RYR1: variants seen among roughly 807,000 people sequenced by gnomAD.
The protein encoded by RYR1 is central core disease of muscle.
A neutral mutation model predicts 583.5 loss-of-function variants in RYR1; 342 were observed. That is an observed-to-expected ratio of 0.59 (90% CI 0.54 to 0.64). The LOEUF (loss-of-function observed/expected upper bound fraction) is 0.64. RYR1 is among the 30% of genes least tolerant of loss of function. RYR1 has a pLI of 0.00. For synonymous variants in RYR1, 2,791 were observed against 2,822.5 expected, an observed-to-expected ratio of 0.99 and a Z score of 0.35; for missense variants, 6,032 against 6,917.2, an observed-to-expected ratio of 0.87 and a Z score of 4.54.
rs776163386 is a variant in RYR1 at position 38,500,980 on chromosome 19, C to T, written c.7604C>T (p.Ser2535Leu). The change falls in exon 47 of 106, where the codon TCG becomes TTG. Residue 2535 changes from serine to leucine, a missense_variant. Ser to Leu is a moderately radical substitution (Grantham distance 145). Coordinates refer to ENST00000359596, the MANE Select transcript of RYR1 (RefSeq NM_000540.3). The surrounding 1 kb of genome is among the most constrained non-coding windows in gnomAD (Gnocchi z 5.9). ...CTGCCCGACATGAGGGCAGCCGCCT[C>T]GCTGGACACGGTGAGCAACCCTGCC... The part of the protein sequence containing the change: ...GFLPDMRAAA[S>L]LDTATFSTTE... The T allele has an allele frequency of 1.1e-5, 18 of 1,613,222 alleles. No individual in the cohort carries two copies. The highest frequency in any genetic ancestry group is 2.2e-5 in the East Asian group (1 of 44,892).
rs1966895326 is a variant in RYR1 at position 38,448,335 on chromosome 19, T to A, written c.801-20T>A. On this transcript the variant is annotated intron_variant, in intron 9 of 105. Transcript: ENST00000359596. ...GAACTGGGGGGTCCTCTGACTCCCC[T>A]TGGCTCTCACCCTCCACAGCTGGAG... The A allele has an allele frequency of 6.2e-7, 1 of 1,604,042 alleles. No individual in the cohort carries two copies. The highest frequency in any genetic ancestry group is 2.2e-5 in the East Asian group (1 of 44,842).
At chr19:38,558,364 C>T (rs1446284420) in intron 89 of RYR1, among the ~76,000 whole-genome samples, 1 of 152,104 alleles carries the variant, frequency 6.6e-6, no homozygotes, top group African/African-American at 2.4e-5. Context: ...GACTGTAACA[C>T]AAAGAAAGGA....
chr19:38,532,828 G>A (rs932001812), intron 78 of RYR1, 92 bp downstream of exon 78: 1 of 1,354,728 alleles, frequency 7.4e-7, no homozygotes, highest in African/African-American at 1.4e-5. Flanking sequence ...ACAGAGCAAA[G>A]CTCTGGGGAC....
chr19:38,477,882 G>C lies in RYR1; in HGVS notation c.4454+12G>C, dbSNP rs1417363157. 1.2e-6 allele frequency: 2 copies of C among 1,605,600 alleles called. No individual in the cohort carries two copies. The highest frequency in any genetic ancestry group is 2.2e-5 in the South Asian group (2 of 90,762). On this transcript the variant is annotated intron_variant, in intron 30 of 105. Transcript: ENST00000359596. ...AACGTCCACAGCAGGTGCCGGGGCT[G>C]GGGGGAGGTGGGAGGTGCAGGGTGG...
chr19:38,534,794 G>A lies in RYR1; in HGVS notation c.11334G>A (p.Val3778=), dbSNP rs750080558. Residue 3778 remains valine (V), a synonymous_variant, in exon 79 of 106, where the codon GTG becomes GTA. Coordinates refer to ENST00000359596, the MANE Select transcript of RYR1 (RefSeq NM_000540.3). ...ACACCCGGGGGGCGGCCGAGATGGT[G>A]CTGCAGATGATCAGTGCCTGCAAAG... ...RLHTRGAAEM[V]LQMISACKGE... 13 of 1,613,342 alleles carry A rather than the reference G, an allele frequency of 8.1e-6. No homozygotes were observed. The South Asian group carries it at 1.2e-4, about 15-fold the overall frequency.
At chr19:38,544,283 CA>C (rs1972332900) in intron 87 of RYR1, among the ~76,000 whole-genome samples, 2 of 152,190 alleles carry the variant, frequency 1.3e-5, no homozygotes, top group Non-Finnish European at 2.9e-5. Context: ...TTACTTGCGG[CA>C]GATGACACCC....
chr19:38,509,538 C>T (rs1460544945), intron 58 of RYR1, among the ~76,000 whole-genome samples: 13 of 151,030 alleles, frequency 8.6e-5, no homozygotes, highest in Admixed American at 2.0e-4. Context: ...CTGCAGGCTC[C>T]GCCTCCAGAT....
intron 1 of RYR1, among the ~76,000 whole-genome samples, chr19:38,434,622 G>T (rs1433914307): frequency 6.6e-6 from 1 of 152,146 alleles, no homozygotes; most frequent in African/African-American, 2.4e-5. Flanking sequence ...GCAGGGATGG[G>T]AATTGGAACA....
chr19:38,541,038 T>G (rs937880841), intron 84 of RYR1, among the ~76,000 whole-genome samples: 8 of 152,240 alleles, frequency 5.3e-5, no homozygotes, highest in Non-Finnish European at 1.2e-4. Context: ...CAGAACAATG[T>G]TTTTTAAATA....
intron 37 of RYR1, 25 bp from the exon 38 acceptor site, chr19:38,492,465 T>A: frequency 6.2e-7 from 1 of 1,613,830 alleles, no homozygotes; most frequent in South Asian, 1.1e-5. Flanking sequence ...TGAATGACAT[T>A]TCCCGCCTTC....
Position 38,500,530 on chromosome 19 carries a change from A to G in RYR1, c.7324-76A>G. 1 of 1,587,160 alleles carries G rather than the reference A, an allele frequency of 6.3e-7. No homozygotes were observed. The highest frequency in any genetic ancestry group is 8.6e-7 in the Non-Finnish European group (1 of 1,159,290). On this transcript the variant is annotated intron_variant, in intron 45 of 105. Coordinates refer to ENST00000359596, the MANE Select transcript of RYR1 (RefSeq NM_000540.3). This position sits in a 1 kb window ranked among gnomAD's most constrained non-coding sequence, Gnocchi z 5.9. ...GCCTGCTCTACCCTCCTGTGTGGTAAGGGAGGGAGCAGAGCAGTCACTGAG... is the reference window on the plus strand; with the variant it reads ...GCCTGCTCTACCCTCCTGTGTGGTAGGGGAGGGAGCAGAGCAGTCACTGAG...
chr19:38,485,416 C>T (rs1169744364), intron 33 of RYR1, among the ~76,000 whole-genome samples, 174 bp from the exon 34 acceptor site: 1 of 152,200 alleles, frequency 6.6e-6, no homozygotes, highest in Non-Finnish European at 1.5e-5. Context: ...GTGCCTCTGT[C>T]TCCCATCTTC....
Position 38,463,493 on chromosome 19 carries a change from T to C in RYR1, c.2648T>C (p.Leu883Pro). The change falls in exon 21 of 106, where the codon CTA becomes CCA. Residue 883 changes from leucine to proline, a missense_variant. Physicochemically the swap from Leu to Pro is moderately conservative, Grantham distance 98. Transcript: ENST00000359596. ...LAENIHELWA[L>P]TRIEQGWTYG... is the part of the protein sequence containing the mutation. Reference sequence around the variant, plus strand: ...GAGAACATCCACGAGCTCTGGGCGCTAACCCGCATCGAGCAGGGCTGGACC... The same window carrying C: ...GAGAACATCCACGAGCTCTGGGCGCCAACCCGCATCGAGCAGGGCTGGACC... 6.2e-7 allele frequency: 1 copy of C among 1,613,404 alleles called. No homozygotes were observed. The highest frequency in any genetic ancestry group is 8.5e-7 in the Non-Finnish European group (1 of 1,179,976).
intron 96 of RYR1, among the ~76,000 whole-genome samples, 172 bp from the exon 97 acceptor site, chr19:38,575,747 G>T (rs573463789): frequency 4.6e-5 from 7 of 152,152 alleles, no homozygotes; most frequent in Non-Finnish European, 1.0e-4. Context: ...AGTTTGCAGT[G>T]AGCAGATATC....
At chr19:38,523,550 T>G (rs1971319335) in intron 69 of RYR1, 1 of 607,172 alleles carries the variant, frequency 1.6e-6, no homozygotes, top group Admixed American at 2.8e-5. Context: ...CATCTCTGTC[T>G]CCTTCCTCCT....
chr19:38,469,770 A>T (rs1968319947), intron 27 of RYR1, among the ~76,000 whole-genome samples: 1 of 152,046 alleles, frequency 6.6e-6, no homozygotes, highest in Non-Finnish European at 1.5e-5. Flanking sequence ...ATCTCTAAAA[A>T]TAAAAAAAAA....
chr19:38,560,460 G>A (rs1168250894), intron 89 of RYR1, among the ~76,000 whole-genome samples: 1 of 151,982 alleles, frequency 6.6e-6, no homozygotes, highest in Admixed American at 6.6e-5. Flanking sequence ...TGGGCGCGGT[G>A]GCACACACCT....
At chr19:38,580,663 C>G (rs1974162970) in intron 101 of RYR1, among the ~76,000 whole-genome samples, 159 bp downstream of exon 101, 1 of 152,058 alleles carries the variant, frequency 6.6e-6, no homozygotes, top group Non-Finnish European at 1.5e-5. Flanking sequence ...AGTTGGAAAC[C>G]AGCCTGGGCA....
chr19:38,464,586 G>A, intron 22 of RYR1, 53 bp from the exon 23 acceptor site: 1 of 1,479,366 alleles, frequency 6.8e-7, no homozygotes, highest in Non-Finnish European at 9.2e-7. Flanking sequence ...GGAGGAGACG[G>A]GGCAGGGAGC....
Sources: gnomAD v4.1 joint callset for allele counts (sites outside exome capture counted in the v4.1 genomes callset) on GRCh38, gnomAD v4.1.1 for gene constraint, Gnocchi (gnomAD v3.1) non-coding constraint, MANE v1.5 for transcripts, NCBI Gene and HGNC (gene_info 2026-07-23, HGNC 2026-07-21) for gene names.